Variants in DENND3 observed in about 807,000 individuals in gnomAD.
DENND3 encodes the protein DENN domain-containing protein 3.
A neutral mutation model predicts 135.1 loss-of-function variants in DENND3; 88 were observed. The ratio of observed to expected loss-of-function variants is 0.65; its 90% CI spans 0.55 to 0.78. The LOEUF (loss-of-function observed/expected upper bound fraction) is 0.78, where lower values mean the gene tolerates loss of function less well. Among genes scored for constraint, DENND3 ranks in the 30% least tolerant of loss-of-function variants. The pLI is 0.00. For missense variants in DENND3, 1,392 were observed against 1,688.4 expected (o/e 0.82, Z 3.08); for synonymous variants, 693 against 712.3 (o/e 0.97, Z 0.43).
At chr8:141,190,450 C>G in intron 20 of DENND3, 33 bp downstream of exon 20, 1 of 1,577,434 alleles carries the variant, frequency 6.3e-7, no homozygotes, top group Admixed American at 1.8e-5. Flanking sequence ...GAGCGGGCAC[C>G]CTACCTCCCT....
rs1820748136 is a variant in DENND3 at position 141,166,074 on chromosome 8, C to A, written c.1554-116C>A. 1 of 1,034,968 alleles carries A rather than the reference C, an allele frequency of 9.7e-7. No homozygotes were observed. The highest frequency in any genetic ancestry group is 1.5e-6 in the Non-Finnish European group (1 of 684,036). 64.1% of individuals were successfully genotyped at this position (1,034,968 alleles called of 1,614,324 possible). A position where few individuals can be genotyped will look rare whatever the true frequency, so the allele number is the denominator to read the frequency against. ...CATGTTCTTACCAGTCTGTTTTCCA[C>A]TGGTGTCCAAGAGTGTCATGTGCTC... On this transcript the variant is annotated intron_variant, in intron 11 of 22. Coordinates refer to ENST00000519811, the MANE Select transcript of DENND3 (RefSeq NM_001352890.3). This position sits in a 1 kb window ranked among gnomAD's most constrained non-coding sequence, Gnocchi z 4.3.
intron 20 of DENND3, chr8:141,191,882 G>A (rs528763278): frequency 6.5e-6 from 1 of 153,706 alleles, no homozygotes; most frequent in South Asian, 2.0e-4. Flanking sequence ...CTGTTTTTAA[G>A]CATTATATTT....
At chr8:141,176,312 A>C in intron 14 of DENND3, 2 of 297,804 alleles carry the variant, frequency 6.7e-6, no homozygotes, top group Non-Finnish European at 1.2e-5. Flanking sequence ...AAAAAGAGGG[A>C]GAGAGAAGTA....
intron 3 of DENND3, among the ~76,000 whole-genome samples, chr8:141,140,590 T>C (rs1569555173): frequency 6.6e-6 from 1 of 152,236 alleles, no homozygotes. Flanking sequence ...ATGATGTAGC[T>C]GACTGTTTCC....
chr8:141,135,247 G>A (rs11985730), intron 1 of DENND3, among the ~76,000 whole-genome samples: 99 of 151,840 alleles, frequency 6.5e-4, no homozygotes, highest in African/African-American at 2.2e-3. Flanking sequence ...AACCTCCTGG[G>A]CTCAGGCGAT....
Position 141,144,387 on chromosome 8 carries a change from C to T in DENND3, c.735+128C>T. Reference sequence around the variant, plus strand: ...TTGTAAACCTAAAATAACATCCTAACCCCCCCGCCTCCCCACAGCTGACTG... The same window carrying T: ...TTGTAAACCTAAAATAACATCCTAATCCCCCCGCCTCCCCACAGCTGACTG... On this transcript the variant is annotated intron_variant, in intron 5 of 22. Transcript: ENST00000519811. This position sits in a 1 kb window ranked among gnomAD's most constrained non-coding sequence, Gnocchi z 4.4. 5.6e-6 allele frequency: 5 copies of T among 896,248 alleles called. No homozygotes were observed. Among genetic ancestry groups the T allele is most frequent in the Non-Finnish European group, 8.0e-6 (5 of 627,092 alleles). 55.5% of individuals were successfully genotyped at this position (896,248 alleles called of 1,614,324 possible). A position where few individuals can be genotyped will look rare whatever the true frequency, so the allele number is the denominator to read the frequency against.
intron 9 of DENND3, among the ~76,000 whole-genome samples, chr8:141,162,308 C>A (rs559596057): frequency 5.6e-4 from 85 of 152,058 alleles, no homozygotes; most frequent in Admixed American, 8.5e-4. Context: ...TAATATTTTA[C>A]AAACTCAATG....
intron 5 of DENND3, chr8:141,150,353 T>C (rs1212201880): frequency 7.9e-7 from 1 of 1,260,670 alleles, no homozygotes; most frequent in African/African-American, 1.6e-5. Context: ...TTCAAAGTAA[T>C]ACATTTAGAA....
chr8:141,147,891 G>A (rs1423908118), intron 5 of DENND3, among the ~76,000 whole-genome samples: 3 of 152,178 alleles, frequency 2.0e-5, no homozygotes, highest in African/African-American at 2.4e-5. Context: ...GCTGATCTGC[G>A]TCCCGTGCGT....
chr8:141,182,408 T>A lies in DENND3; in HGVS notation c.2944+1554T>A. The A allele has an allele frequency of 1.0e-6, 1 of 985,470 alleles. No homozygotes were observed. The highest frequency in any genetic ancestry group is 1.2e-6 in the Non-Finnish European group (1 of 829,938). The allele number at this position is 985,470 out of a possible 1,614,324, so 61.0% of individuals were successfully genotyped here. A position where few individuals can be genotyped will look rare whatever the true frequency, so the allele number is the denominator to read the frequency against. Reference sequence around the variant, plus strand: ...CCCCGCGTGAGCCCTACCTGATGTGTCTAAGCCAGGCTCTGTGCTGACTTC... The same window carrying A: ...CCCCGCGTGAGCCCTACCTGATGTGACTAAGCCAGGCTCTGTGCTGACTTC... On this transcript the variant is annotated intron_variant, in intron 17 of 22. Coordinates refer to ENST00000519811, the MANE Select transcript of DENND3 (RefSeq NM_001352890.3). This position sits in a 1 kb window ranked among gnomAD's most constrained non-coding sequence, Gnocchi z 5.9.
Position 141,139,919 on chromosome 8 carries a change from T to C in DENND3, c.502-1284T>C, listed in dbSNP as rs1260929295. On this transcript the variant is annotated intron_variant, in intron 3 of 22. Transcript: ENST00000519811. The surrounding 1 kb of genome is among the most constrained non-coding windows in gnomAD (Gnocchi z 4.2). Reference sequence around the variant, plus strand: ...ATATCTATCGTTTTTTTCTTTCTTTTTTTTTTTTGAGACAGTCTCGCTGTG... The same window carrying C: ...ATATCTATCGTTTTTTTCTTTCTTTCTTTTTTTTGAGACAGTCTCGCTGTG... Among the ~76,000 whole-genome samples the C allele has an allele frequency of 2.0e-5, 3 of 151,784 alleles. No individual in the cohort carries two copies. Among genetic ancestry groups the C allele is most frequent in the Non-Finnish European group, 4.4e-5 (3 of 67,920 alleles).
chr8:141,190,516 C>T, intron 20 of DENND3, 99 bp downstream of exon 20: 1 of 1,417,258 alleles, frequency 7.1e-7, no homozygotes, highest in South Asian at 1.6e-5. Context: ...TTGCTTCACG[C>T]CTTTCCAGTC....
In DENND3 at chr8:141,156,569, C is replaced by CTCAT. The variant is rs58494858; in HGVS notation, c.1196+619_1196+622dup. Among the ~76,000 whole-genome samples, 623 of 152,140 alleles carry CTCAT rather than the reference C, an allele frequency of 4.1e-3. 4 individuals carry two copies. The highest frequency in any genetic ancestry group is 0.014 in the African/African-American group (576 of 41,512). ...CCCTATCCATTCATTCATTCATTCA[C>CTCAT]TCATTCATTCATTCATTCATTCACT... On this transcript the variant is annotated intron_variant, in intron 8 of 22. Transcript: ENST00000519811.
chr8:141,159,617 C>T (rs1199724418), intron 8 of DENND3, among the ~76,000 whole-genome samples: 4 of 152,252 alleles, frequency 2.6e-5, no homozygotes, highest in African/African-American at 9.6e-5. Flanking sequence ...GGGGCTTGGC[C>T]TGTGTCCACC....
chr8:141,152,900 C>T (rs307747), intron 7 of DENND3, among the ~76,000 whole-genome samples: 8,781 of 152,144 alleles, frequency 0.058, 856 homozygotes, highest in African/African-American at 0.2. Context: ...CTAACGTCCG[C>T]GCCAGCGCTG....
rs931867943 is a variant in DENND3, at chr8:141,138,595, G to A, written c.501+458G>A. 3.9e-5 allele frequency among the ~76,000 whole-genome samples: 6 copies of A among 151,990 alleles called. No homozygotes were observed. The East Asian group carries it at 7.8e-4, about 20-fold the overall frequency. On this transcript the variant is annotated intron_variant, in intron 3 of 22. Coordinates refer to ENST00000519811, the MANE Select transcript of DENND3 (RefSeq NM_001352890.3). This position sits in a 1 kb window ranked among gnomAD's most constrained non-coding sequence, Gnocchi z 4.8. ...GAGACGGGGTTTCACCATGTTGGCC[G>A]GGCTGGTTTCGAACTCCTGACCTCA...
chr8:141,128,591 A>C lies in DENND3; in HGVS notation c.-117A>C. The C allele has an allele frequency of 2.3e-6, 1 of 433,636 alleles. No homozygotes were observed. Among genetic ancestry groups the C allele is most frequent in the Non-Finnish European group, 3.3e-6 (1 of 301,702 alleles). The allele number at this position is 433,636 out of a possible 1,614,324, so 26.9% of individuals were successfully genotyped here. A position where few individuals can be genotyped will look rare whatever the true frequency, so the allele number is the denominator to read the frequency against. On this transcript the variant is annotated 5_prime_UTR_variant, in exon 1 of 23. Transcript: ENST00000519811. This position sits in a 1 kb window ranked among gnomAD's most constrained non-coding sequence, Gnocchi z 4.5. Reference sequence around the variant, plus strand: ...GGCCCCGCCTCCAGCCCCGCCCCGCAGACGGCGCTCGCAGCGCCCCCGGCC... The same window carrying C: ...GGCCCCGCCTCCAGCCCCGCCCCGCCGACGGCGCTCGCAGCGCCCCCGGCC...
intron 8 of DENND3, chr8:141,157,513 T>C: frequency 3.0e-6 from 3 of 985,828 alleles, no homozygotes; most frequent in Non-Finnish European, 3.6e-6. Context: ...AGGGGAGCGC[T>C]TAGGCTTTTT....
rs1318741997 is a variant in DENND3, at chr8:141,165,248, C to G, written c.1512C>G (p.Ala504=). ...CCCGGCTCAATAGGAGGATGGACGC[C>G]TTTGCTCAGATGGACCTCGACACCC... ...LKARLNRRMD[A]FAQMDLDTQS... is the part of the protein sequence containing the mutation. The change falls in exon 11 of 23, where the codon GCC becomes GCG. Residue 504 remains alanine (A), a synonymous_variant. Coordinates refer to ENST00000519811, the MANE Select transcript of DENND3 (RefSeq NM_001352890.3). 1.2e-6 allele frequency: 2 copies of G among 1,614,194 alleles called. No individual in the cohort carries two copies. The highest frequency in any genetic ancestry group is 3.3e-5 in the Admixed American group (2 of 60,018).
Sources: allele counts gnomAD v4.1 joint callset (sites outside exome capture counted in the v4.1 genomes callset), GRCh38; gene constraint gnomAD v4.1.1; non-coding constraint Gnocchi (gnomAD v3.1); transcripts MANE v1.5; gene names NCBI Gene and HGNC (gene_info 2026-07-23, HGNC 2026-07-21).